ZCCHC7: variants seen among roughly 807,000 people sequenced by gnomAD.
ZCCHC7 encodes the protein zinc finger CCHC domain-containing protein 7.
Under a neutral mutation model 52.0 loss-of-function variants are expected in ZCCHC7, and 35 were observed. The ratio of observed to expected loss-of-function variants is 0.67; its 90% CI spans 0.51 to 0.89. The LOEUF is 0.89. ZCCHC7 is among the 40% of genes least tolerant of loss of function. The pLI, the probability that ZCCHC7 is intolerant of heterozygous loss-of-function variation, is 0.00. For missense variants in ZCCHC7, 574 were observed against 649.1 expected (o/e 0.88, Z 1.26); for synonymous variants, 217 against 221.5 (o/e 0.98, Z 0.18).
intron 2 of ZCCHC7, among the ~76,000 whole-genome samples, chr9:37,254,222 A>G (rs1489205188): frequency 6.6e-6 from 1 of 152,074 alleles, no homozygotes; most frequent in Non-Finnish European, 1.5e-5. Context: ...TAATCTGAAC[A>G]ATATTCATAC....
intron 3 of ZCCHC7, among the ~76,000 whole-genome samples, chr9:37,302,829 A>G (rs1829097310): frequency 6.6e-6 from 1 of 152,182 alleles, no homozygotes; most frequent in Non-Finnish European, 1.5e-5. Context: ...AAGATCCTAG[A>G]TTTAGATTAG....
chr9:37,223,735 G>A (rs922980019), intron 2 of ZCCHC7, among the ~76,000 whole-genome samples: 3 of 152,056 alleles, frequency 2.0e-5, no homozygotes, highest in African/African-American at 7.2e-5. Flanking sequence ...GAATAATAGA[G>A]TGTATGTAAG....
chr9:37,275,318 C>CTTT (rs35954918), intron 2 of ZCCHC7, among the ~76,000 whole-genome samples: 1 of 124,024 alleles, frequency 8.1e-6, no homozygotes, highest in Non-Finnish European at 1.7e-5. Context: ...TCTAGTTTTC[C>CTTT]TTTTTTTTTT....
intron 6 of ZCCHC7, among the ~76,000 whole-genome samples, chr9:37,328,421 A>C (rs997634438): frequency 1.3e-5 from 2 of 151,978 alleles, no homozygotes; most frequent in African/African-American, 4.8e-5. Flanking sequence ...CAGAAAATAC[A>C]GTTTGCTAGA....
chr9:37,213,635 A>G (rs1309339905), intron 2 of ZCCHC7, among the ~76,000 whole-genome samples: 1 of 152,170 alleles, frequency 6.6e-6, no homozygotes, highest in East Asian at 1.9e-4. Flanking sequence ...TTGATCTGCA[A>G]GGCAGATGGT....
At chr9:37,337,545 G>A (rs1830736924) in intron 6 of ZCCHC7, among the ~76,000 whole-genome samples, 2 of 152,046 alleles carry the variant, frequency 1.3e-5, no homozygotes. Flanking sequence ...TTTCAGAGCT[G>A]CCAGTTTCCA....
intron 2 of ZCCHC7, among the ~76,000 whole-genome samples, chr9:37,144,097 G>A (rs1405917853): frequency 1.3e-5 from 2 of 151,626 alleles, no homozygotes; most frequent in South Asian, 2.1e-4. Flanking sequence ...AGAACTTAAG[G>A]GAAATACATA....
At chr9:37,125,217 A>G (rs764676750) in intron 1 of ZCCHC7, among the ~76,000 whole-genome samples, 13 of 152,250 alleles carry the variant, frequency 8.5e-5, no homozygotes, top group Non-Finnish European at 1.6e-4. Context: ...TGGTATGAGC[A>G]TAGCTCACTG....
intron 2 of ZCCHC7, among the ~76,000 whole-genome samples, chr9:37,179,111 G>A (rs1470092589): frequency 1.3e-5 from 2 of 152,200 alleles, no homozygotes; most frequent in Non-Finnish European, 2.9e-5. Flanking sequence ...TTTACATGAA[G>A]CAGATAAGCA....
chr9:37,247,083 C>T (rs750071881), intron 2 of ZCCHC7, among the ~76,000 whole-genome samples: 1 of 152,080 alleles, frequency 6.6e-6, no homozygotes, highest in Non-Finnish European at 1.5e-5. Flanking sequence ...CCTCCCCAAC[C>T]CCCTCTCCAC....
At chr9:37,273,365 T>C (rs536732098) in intron 2 of ZCCHC7, among the ~76,000 whole-genome samples, 1 of 152,242 alleles carries the variant, frequency 6.6e-6, no homozygotes, top group East Asian at 1.9e-4. Flanking sequence ...TAGCCAGGCA[T>C]GGTGGCGGGT....
At chr9:37,193,666 T>A (rs749350501) in intron 2 of ZCCHC7, among the ~76,000 whole-genome samples, 2 of 152,078 alleles carry the variant, frequency 1.3e-5, no homozygotes, top group Non-Finnish European at 2.9e-5. Flanking sequence ...GTTGTTGGAT[T>A]TTCTGCTGTT....
intron 5 of ZCCHC7, among the ~76,000 whole-genome samples, chr9:37,317,802 A>T (rs1047892084): frequency 6.6e-6 from 1 of 152,008 alleles, no homozygotes; most frequent in Non-Finnish European, 1.5e-5. Flanking sequence ...ATAGTAGATT[A>T]AACACTCTTA....
At chr9:37,162,448 T>G (rs1821158162) in intron 2 of ZCCHC7, among the ~76,000 whole-genome samples, 1 of 152,138 alleles carries the variant, frequency 6.6e-6, no homozygotes, top group Admixed American at 6.5e-5. Flanking sequence ...GAGATTAGTT[T>G]TGCACTTTCT....
At position 37,234,041 on chromosome 9, in the gene ZCCHC7, ACAGGGTTTCACTATGTTGGC is replaced by A. The variant is rs371738331; in HGVS notation, c.611-68122_611-68103del. Among the ~76,000 whole-genome samples, 452 of 151,762 alleles carry A rather than the reference ACAGGGTTTCACTATGTTGGC, an allele frequency of 3.0e-3. 2 individuals carry two copies. The highest frequency in any genetic ancestry group is 9.8e-3 in the African/African-American group (407 of 41,354). On this transcript the variant is annotated intron_variant, in intron 2 of 8. Coordinates refer to ENST00000336755, the MANE Select transcript of ZCCHC7 (RefSeq NM_032226.3). ...GCTAATATTTGTATTTTTAGTAGAG[ACAGGGTTTCACTATGTTGGC>A]CAGGGTTTCACTATGTTGGCCAGGC...
chr9:37,286,802 C>G (rs1588614395), intron 2 of ZCCHC7, among the ~76,000 whole-genome samples: 1 of 59,470 alleles, frequency 1.7e-5, no homozygotes, highest in Non-Finnish European at 3.1e-5. Context: ...CTCCCTCCCT[C>G]CCCCCCGTTC....
chr9:37,255,945 T>C (rs2133419599), intron 2 of ZCCHC7, among the ~76,000 whole-genome samples: 1 of 152,286 alleles, frequency 6.6e-6, no homozygotes, highest in South Asian at 2.1e-4. Flanking sequence ...CTATAACAGA[T>C]TTTTCTTTAC....
intron 2 of ZCCHC7, among the ~76,000 whole-genome samples, chr9:37,152,877 G>A (rs899119074): frequency 3.9e-5 from 6 of 152,086 alleles, no homozygotes; most frequent in African/African-American, 1.4e-4. Context: ...AGAGTGTTAT[G>A]CTCTACCTTC....
chr9:37,224,620 A>C (rs1223961865), intron 2 of ZCCHC7, among the ~76,000 whole-genome samples: 1 of 152,228 alleles, frequency 6.6e-6, no homozygotes, highest in Non-Finnish European at 1.5e-5. Context: ...GTTTTGGTAC[A>C]GGGAAGGCAG....
Sources: allele counts gnomAD v4.1 joint callset (sites outside exome capture counted in the v4.1 genomes callset), GRCh38; gene constraint gnomAD v4.1.1; transcripts MANE v1.5; gene names NCBI Gene and HGNC (gene_info 2026-07-23, HGNC 2026-07-21).